CBFA2T2: variants seen among roughly 807,000 people sequenced by gnomAD.
CBFA2T2 encodes the protein CBFA2/RUNX1 partner transcriptional co-repressor 2, also known as protein CBFA2T2.
In CBFA2T2, 11 loss-of-function variants were observed where a neutral mutation model predicts 62.2. That is an observed-to-expected ratio of 0.18 (90% CI 0.11 to 0.29). CBFA2T2 has a LOEUF of 0.29. Among genes scored for constraint, CBFA2T2 ranks in the 10% least tolerant of loss-of-function variants. The probability of loss-of-function intolerance (pLI) is 1.00; values close to 1 mark genes in which losing one functional copy is unlikely to be tolerated. For missense variants in CBFA2T2, 592 were observed against 774.1 expected (o/e 0.76, Z 2.79); for synonymous variants, 295 against 287.5 (o/e 1.03, Z -0.27).
At chr20:33,633,997 C>T (rs1269243572) in intron 8 of CBFA2T2, among the ~76,000 whole-genome samples, 1 of 152,062 alleles carries the variant, frequency 6.6e-6, no homozygotes, top group Non-Finnish European at 1.5e-5. Flanking sequence ...GAAACGGAGT[C>T]TCGCTCTGTC....
intron 5 of CBFA2T2, 143 bp from the exon 6 acceptor site, chr20:33,624,621 A>G: frequency 1.2e-6 from 1 of 852,306 alleles, no homozygotes; most frequent in Non-Finnish European, 1.9e-6. Flanking sequence ...AATTCAGCTC[A>G]TGCCTCATGT....
chr20:33,570,449 C>T (rs1466631714), intron 1 of CBFA2T2, among the ~76,000 whole-genome samples: 1 of 152,250 alleles, frequency 6.6e-6, no homozygotes, highest in South Asian at 2.1e-4. Flanking sequence ...GCTTTTTAAT[C>T]TGCTCCTTCG....
At position 33,647,294 on chromosome 20, in the gene CBFA2T2, T is replaced by C. The variant is rs935876843; in HGVS notation, c.*2648T>C. On this transcript the variant is annotated 3_prime_UTR_variant, in exon 11 of 11. Transcript: ENST00000342704. ...TTTTATTGTTATTTTGTTTGTTTGTTTGTTTTGAGACGGGAGTTTCTCTCT... is the reference window on the plus strand; with the variant it reads ...TTTTATTGTTATTTTGTTTGTTTGTCTGTTTTGAGACGGGAGTTTCTCTCT... The C allele has an allele frequency of 2.0e-5, 3 of 152,252 alleles. No homozygotes were observed. Among genetic ancestry groups the C allele is most frequent in the African/African-American group, 7.2e-5 (3 of 41,448 alleles). 9.4% of individuals were successfully genotyped at this position (152,252 alleles called of 1,614,324 possible).
intron 1 of CBFA2T2, among the ~76,000 whole-genome samples, chr20:33,560,665 T>C (rs1039197924): frequency 6.6e-6 from 1 of 152,200 alleles, no homozygotes; most frequent in Non-Finnish European, 1.5e-5. Context: ...GACAGAAATA[T>C]TGTTTACAGA....
In CBFA2T2 at chr20:33,499,022, C is replaced by A. The variant is rs758466294; in HGVS notation, c.34+8721C>A. Reference sequence around the variant, plus strand: ...TCACGCTGCTTCATTCCAGCCTGGGCGAAAGAGTGAAACTCCGTCTAAAAA... The same window carrying A: ...TCACGCTGCTTCATTCCAGCCTGGGAGAAAGAGTGAAACTCCGTCTAAAAA... On this transcript the variant is annotated intron_variant, in intron 1 of 10. Coordinates refer to ENST00000342704, the MANE Select transcript of CBFA2T2 (RefSeq NM_001032999.3). Among the ~76,000 whole-genome samples, 33 of 145,390 alleles carry A rather than the reference C, an allele frequency of 2.3e-4. 1 individual carries two copies. The highest frequency in any genetic ancestry group is 4.0e-4 in the Non-Finnish European group (27 of 67,010).
chr20:33,524,903 C>T (rs922631429), intron 1 of CBFA2T2, among the ~76,000 whole-genome samples: 1 of 152,180 alleles, frequency 6.6e-6, no homozygotes, highest in Non-Finnish European at 1.5e-5. Flanking sequence ...GGCACGATCT[C>T]AGCTCACTGC....
At chr20:33,643,666 T>G (rs1348997896) in intron 10 of CBFA2T2, among the ~76,000 whole-genome samples, 1 of 148,558 alleles carries the variant, frequency 6.7e-6, no homozygotes, top group Non-Finnish European at 1.5e-5. Context: ...CTTATAATCC[T>G]GACACTTTGG....
rs1324987413 is a variant in CBFA2T2, at chr20:33,649,072, A to G, written c.*4426A>G. The G allele has an allele frequency of 6.6e-6, 1 of 152,166 alleles. No individual in the cohort carries two copies. The highest frequency in any genetic ancestry group is 1.5e-5 in the Non-Finnish European group (1 of 68,032). The allele number at this position is 152,166 out of a possible 1,614,324, so 9.4% of individuals were successfully genotyped here. On this transcript the variant is annotated 3_prime_UTR_variant, in exon 11 of 11. Transcript: ENST00000342704. ...CTGTAGAATTGAATAAATCACTGAA[A>G]ATAGAACACTTCTTGGAGGCTTTCT... is the stretch of plus-strand genomic sequence containing the variant.
chr20:33,604,678 C>T (rs1203928377), intron 1 of CBFA2T2, among the ~76,000 whole-genome samples: 1 of 152,238 alleles, frequency 6.6e-6, no homozygotes, highest in Non-Finnish European at 1.5e-5. Context: ...ACTGTTAAAA[C>T]TCATCTCACT....
chr20:33,571,504 C>T (rs2013565205), intron 1 of CBFA2T2, among the ~76,000 whole-genome samples: 1 of 152,166 alleles, frequency 6.6e-6, no homozygotes, highest in African/African-American at 2.4e-5. Context: ...TCTTAGAACA[C>T]TTCAAATTCA....
At chr20:33,521,418 C>T (rs2011727011) in intron 1 of CBFA2T2, among the ~76,000 whole-genome samples, 1 of 151,982 alleles carries the variant, frequency 6.6e-6, no homozygotes, top group Non-Finnish European at 1.5e-5. Flanking sequence ...AATAATAACT[C>T]TCTGACATTA....
intron 1 of CBFA2T2, among the ~76,000 whole-genome samples, chr20:33,501,661 G>C (rs1437536619): frequency 1.5e-4 from 1 of 6,616 alleles, no homozygotes; most frequent in African/African-American, 2.6e-4. Flanking sequence ...TTTTTTTTGA[G>C]AGGGAGTCTC....
intron 1 of CBFA2T2, among the ~76,000 whole-genome samples, chr20:33,593,262 G>T (rs1161184511): frequency 6.6e-6 from 1 of 151,964 alleles, no homozygotes. Flanking sequence ...AACCCAGGAG[G>T]CAAAGGTTGC....
chr20:33,559,778 G>A (rs1048047382), intron 1 of CBFA2T2, among the ~76,000 whole-genome samples: 2 of 152,154 alleles, frequency 1.3e-5, no homozygotes, highest in Admixed American at 6.5e-5. Context: ...GAGCCATTGC[G>A]CCTGGCCAAT....
intron 1 of CBFA2T2, among the ~76,000 whole-genome samples, chr20:33,499,135 TAGGC>T (rs918384831): frequency 6.6e-6 from 1 of 152,154 alleles, no homozygotes; most frequent in Non-Finnish European, 1.5e-5. Context: ...TCCAGAGTTT[TAGGC>T]AGGAAGAATG....
intron 1 of CBFA2T2, among the ~76,000 whole-genome samples, chr20:33,541,484 T>G (rs1448986489): frequency 6.6e-6 from 1 of 152,214 alleles, no homozygotes. Flanking sequence ...CCGGACTCTA[T>G]TTTTCCATTA....
intron 4 of CBFA2T2, among the ~76,000 whole-genome samples, chr20:33,621,317 G>A (rs62209602): frequency 1.4e-5 from 1 of 74,004 alleles, no homozygotes; most frequent in Admixed American, 1.4e-4. Flanking sequence ...TTTTTTTGGG[G>A]AGACAAAATC....
At chr20:33,521,347 C>A (rs2011725109) in intron 1 of CBFA2T2, among the ~76,000 whole-genome samples, 2 of 152,112 alleles carry the variant, frequency 1.3e-5, no homozygotes, top group African/African-American at 2.4e-5. Flanking sequence ...AATTTGTAAT[C>A]TAGGATTGTT....
At chr20:33,615,562 AAGAC>A (rs1460504338) in intron 3 of CBFA2T2, among the ~76,000 whole-genome samples, 1 of 152,176 alleles carries the variant, frequency 6.6e-6, no homozygotes, top group Non-Finnish European at 1.5e-5. Context: ...GCAAGGTAGA[AAGAC>A]AGACTTCTCC....
Sources: gnomAD v4.1 joint callset for allele counts (sites outside exome capture counted in the v4.1 genomes callset) on GRCh38, gnomAD v4.1.1 for gene constraint, MANE v1.5 for transcripts, NCBI Gene and HGNC (gene_info 2026-07-23, HGNC 2026-07-21) for gene names.